SH3RF2: variants seen among roughly 807,000 people sequenced by gnomAD.
SH3RF2 encodes E3 ubiquitin-protein ligase SH3RF2.
In SH3RF2, 43 loss-of-function variants were observed where a neutral mutation model predicts 59.0. The observed-to-expected ratio is 0.73, with a 90% CI of 0.57 to 0.94. The LOEUF (loss-of-function observed/expected upper bound fraction) is 0.94. Among genes scored for constraint, SH3RF2 ranks in the 40% least tolerant of loss-of-function variants. The pLI, the probability that SH3RF2 is intolerant of heterozygous loss-of-function variation, is 0.00. For synonymous variants in SH3RF2, 391 were observed against 391.5 expected (o/e 1.00, Z 0.01); for missense variants, 930 against 940.1 (o/e 0.99, Z 0.14).
chr5:146,017,199 T>G (rs1180736210), intron 5 of SH3RF2, among the ~76,000 whole-genome samples: 2 of 152,152 alleles, frequency 1.3e-5, no homozygotes, highest in African/African-American at 2.4e-5. Context: ...TCGAAAACAA[T>G]TCAGGATTAG....
chr5:146,012,410 A>G (rs918330766), intron 4 of SH3RF2, among the ~76,000 whole-genome samples: 8 of 152,224 alleles, frequency 5.3e-5, no homozygotes, highest in South Asian at 2.1e-4. Flanking sequence ...CTCTTATTCT[A>G]TTGATTGGAA....
At chr5:145,972,168 T>A (rs62393707) in intron 2 of SH3RF2, among the ~76,000 whole-genome samples, 17,899 of 152,106 alleles carry the variant, frequency 0.12, 1,206 homozygotes, top group Middle Eastern at 0.18. Flanking sequence ...TCTGATAATC[T>A]TAGGCATGTT....
Position 146,049,086 on chromosome 5 carries a change from T to C in SH3RF2, c.1163T>C (p.Leu388Pro). The C allele has an allele frequency of 3.7e-6, 6 of 1,614,090 alleles. No homozygotes were observed. Among genetic ancestry groups the C allele is most frequent in the Non-Finnish European group, 5.1e-6 (6 of 1,180,018 alleles). ...CTGTGTCTTCCCAGGTTTGTAGCCCTGCACTCCTACTCAGCCCATGGACCC... is the reference window on the plus strand; with the variant it reads ...CTGTGTCTTCCCAGGTTTGTAGCCCCGCACTCCTACTCAGCCCATGGACCC... ...QHLSANMFVA[L>P]HSYSAHGPDE... The change falls in exon 7 of 10, where the codon CTG (leucine) becomes CCG (proline). Residue 388 changes from leucine to proline, a missense_variant. Physicochemically the swap from Leu to Pro is moderately conservative, Grantham distance 98. Transcript: ENST00000359120.
At chr5:145,940,984 A>G (rs1293817684) in intron 2 of SH3RF2, among the ~76,000 whole-genome samples, 1 of 152,188 alleles carries the variant, frequency 6.6e-6, no homozygotes, top group Non-Finnish European at 1.5e-5. Flanking sequence ...GGAGAGTGTA[A>G]TAGGTATTAT....
At chr5:146,002,809 T>C (rs1204057663) in intron 3 of SH3RF2, among the ~76,000 whole-genome samples, 1 of 152,182 alleles carries the variant, frequency 6.6e-6, no homozygotes, top group Non-Finnish European at 1.5e-5. Context: ...GGGATCTAAA[T>C]TAGGTGCTCC....
At chr5:145,972,075 A>AG (rs1302926363) in intron 2 of SH3RF2, among the ~76,000 whole-genome samples, 1 of 152,232 alleles carries the variant, frequency 6.6e-6, no homozygotes, top group Non-Finnish European at 1.5e-5. Flanking sequence ...ATGTGAATCC[A>AG]GATCTTTTTC....
At chr5:146,051,055 T>C (rs1243027419) in intron 7 of SH3RF2, among the ~76,000 whole-genome samples, 1 of 152,132 alleles carries the variant, frequency 6.6e-6, no homozygotes, top group Non-Finnish European at 1.5e-5. Flanking sequence ...GCCAACATGG[T>C]GAAACCTCAT....
Position 146,056,264 on chromosome 5 carries a change from C to A in SH3RF2, c.1555+51C>A, listed in dbSNP as rs761504479. 8 of 1,612,304 alleles carry A rather than the reference C, an allele frequency of 5.0e-6. No individual in the cohort carries two copies. The Admixed American group carries it at 1.3e-4, about 27-fold the overall frequency. On this transcript the variant is annotated intron_variant, in intron 8 of 9. Transcript: ENST00000359120. ...CCTAGAGCTAAGTGATGGGGGGAAT[C>A]TGACCCAGGGGTACACAGGATGCTT... is the stretch of plus-strand genomic sequence containing the variant.
intron 3 of SH3RF2, among the ~76,000 whole-genome samples, chr5:146,003,452 T>A (rs1046753985): frequency 1.3e-5 from 2 of 152,364 alleles, no homozygotes; most frequent in South Asian, 2.1e-4. Context: ...TGTTTATATG[T>A]ATGTATGTTT....
chr5:146,009,529 T>C (rs1760789790), intron 4 of SH3RF2, among the ~76,000 whole-genome samples: 1 of 152,246 alleles, frequency 6.6e-6, no homozygotes, highest in South Asian at 2.1e-4. Flanking sequence ...TGACATTTGT[T>C]GTTTCAGCTT....
intron 7 of SH3RF2, among the ~76,000 whole-genome samples, chr5:146,050,909 TC>T (rs1182696885): frequency 6.6e-6 from 1 of 152,172 alleles, no homozygotes; most frequent in Non-Finnish European, 1.5e-5. Context: ...GAGGCAAATG[TC>T]CAGACTAAAG....
downstream of SH3RF2, among the ~76,000 whole-genome samples, chr5:146,064,980 C>A (rs1330699239): frequency 6.6e-6 from 1 of 152,146 alleles, no homozygotes; most frequent in Non-Finnish European, 1.5e-5. Context: ...CTTTTACACA[C>A]CCACTCACAC....
chr5:145,949,339 T>C (rs573464032), intron 2 of SH3RF2, among the ~76,000 whole-genome samples: 5 of 152,282 alleles, frequency 3.3e-5, no homozygotes, highest in East Asian at 1.9e-4. Flanking sequence ...AGTATTTTAA[T>C]TGGTTGCCAA....
chr5:145,990,927 T>C (rs1219231750), intron 2 of SH3RF2, among the ~76,000 whole-genome samples: 1 of 152,176 alleles, frequency 6.6e-6, no homozygotes, highest in Non-Finnish European at 1.5e-5. Flanking sequence ...CTTGGAATCT[T>C]TTTCCCTTGA....
chr5:146,028,540 G>A (rs963714054), intron 5 of SH3RF2, among the ~76,000 whole-genome samples: 1 of 152,196 alleles, frequency 6.6e-6, no homozygotes, highest in Admixed American at 6.5e-5. Context: ...GCCGCCCTGG[G>A]CATTGTGGGG....
intron 5 of SH3RF2, among the ~76,000 whole-genome samples, chr5:146,020,263 A>C (rs983117334): frequency 2.0e-5 from 3 of 152,140 alleles, no homozygotes; most frequent in African/African-American, 7.2e-5. Flanking sequence ...GCTACAGTTC[A>C]CTTCCTGGTC....
intron 2 of SH3RF2, among the ~76,000 whole-genome samples, chr5:145,981,098 CTTTT>C (rs1759490663): frequency 6.6e-6 from 1 of 151,832 alleles, no homozygotes; most frequent in Admixed American, 6.6e-5. Flanking sequence ...AATTTTTTTT[CTTTT>C]TTCTTTTTTT....
chr5:145,984,216 A>G lies in SH3RF2; in HGVS notation c.379-15842A>G, dbSNP rs559686952. Among the ~76,000 whole-genome samples the G allele has an allele frequency of 1.4e-4, 21 of 152,340 alleles. No individual in the cohort carries two copies. In the South Asian group the frequency reaches 4.3e-3, roughly 32 times the overall value. On this transcript the variant is annotated intron_variant, in intron 2 of 9. Coordinates refer to ENST00000359120, the MANE Select transcript of SH3RF2 (RefSeq NM_152550.4). ...GAATGAGTAGACGTAGCAAGTATAA[A>G]GATGAATAAGTCATACAGCCTGCTG...
At position 146,001,908 on chromosome 5, in the gene SH3RF2, C is replaced by T. The variant is rs112774146; in HGVS notation, c.648+1581C>T. Among the ~76,000 whole-genome samples the T allele has an allele frequency of 1.4e-4, 22 of 152,354 alleles. 3 individuals are homozygous for T. Among genetic ancestry groups the T allele is most frequent in the African/African-American group, 5.1e-4 (21 of 41,582 alleles). Reference sequence around the variant, plus strand: ...AGGAAATCTCATGGTCTAAACTCAGCATATCCAAATTAAACTCAAGATCTT... The same window carrying T: ...AGGAAATCTCATGGTCTAAACTCAGTATATCCAAATTAAACTCAAGATCTT... On this transcript the variant is annotated intron_variant, in intron 3 of 9. Transcript: ENST00000359120.
Sources: gnomAD v4.1 joint callset for allele counts (sites outside exome capture counted in the v4.1 genomes callset) on GRCh38, gnomAD v4.1.1 for gene constraint, MANE v1.5 for transcripts, NCBI Gene and HGNC (gene_info 2026-07-23, HGNC 2026-07-21) for gene names.